ZNF45: variants seen among roughly 807,000 people sequenced by gnomAD.
The protein encoded by ZNF45 is zinc finger protein 45.
A neutral mutation model predicts 12.0 loss-of-function variants in ZNF45; 4 were observed. The observed-to-expected ratio is 0.33, with a 90% CI of 0.16 to 0.76. ZNF45 has a LOEUF of 0.76. Among genes scored for constraint, ZNF45 ranks in the 30% least tolerant of loss-of-function variants. The probability of loss-of-function intolerance (pLI) is 0.60; values close to 1 mark genes in which losing one functional copy is unlikely to be tolerated. For missense variants in ZNF45, 700 were observed against 813.0 expected, an observed-to-expected ratio of 0.86 and a Z score of 1.69; for synonymous variants, 272 against 279.6, an observed-to-expected ratio of 0.97 and a Z score of 0.27.
Position 43,922,437 on chromosome 19 carries a change from C to T in ZNF45, c.-32-220G>A, listed in dbSNP as rs10402444. The stretch of plus-strand genomic sequence containing the variant: ...AGACCCTGGCAGCAAGTGACCTGCC[C>T]GACCACACAGAGTATGCCCCCAACA... On this transcript the variant is annotated intron_variant, in intron 6 of 9. Transcript: ENST00000269973. 732 of 478,998 alleles carry T rather than the reference C, an allele frequency of 1.5e-3. 7 individuals are homozygous for T. Among genetic ancestry groups the T allele is most frequent in the African/African-American group, 0.012 (626 of 52,174 alleles). 29.7% of individuals were successfully genotyped at this position (478,998 alleles called of 1,614,324 possible).
chr19:43,930,631 T>A (rs1974059830), intron 3 of ZNF45, among the ~76,000 whole-genome samples: 1 of 152,140 alleles, frequency 6.6e-6, no homozygotes, highest in Non-Finnish European at 1.5e-5. Context: ...AAGATGCCCC[T>A]AGAGCTCTCT....
intron 3 of ZNF45, among the ~76,000 whole-genome samples, chr19:43,925,840 C>G (rs2147083374): frequency 6.6e-6 from 1 of 152,262 alleles, no homozygotes; most frequent in South Asian, 2.1e-4. Flanking sequence ...ACTATTTTGG[C>G]CAGGCTGGTC....
chr19:43,922,289 A>G, intron 6 of ZNF45, 72 bp from the exon 7 acceptor site: 1 of 1,107,414 alleles, frequency 9.0e-7, no homozygotes, highest in Non-Finnish European at 1.3e-6. Flanking sequence ...AAAAAACCAT[A>G]GCTGTTTTTT....
rs1252242311 is a variant in ZNF45, at chr19:43,914,776, G to A, written c.660C>T (p.Tyr220=). 3 of 1,614,066 alleles carry A rather than the reference G, an allele frequency of 1.9e-6. No homozygotes were observed. The highest frequency in any genetic ancestry group is 1.3e-5 in the African/African-American group (1 of 75,032). ...HQRVHSRAKS[Y]TNDASYRSFS... ...AACTCCTGTAACTTGCATCATTTGT[G>A]TATGATTTTGCTCTACTGTGGACTC... Residue 220 remains tyrosine, a synonymous_variant, in exon 10 of 10, where the codon TAC becomes TAT. Transcript: ENST00000269973.
At chr19:43,920,540 G>GT (rs947495917) in intron 7 of ZNF45, among the ~76,000 whole-genome samples, 3 of 137,044 alleles carry the variant, frequency 2.2e-5, no homozygotes, top group Non-Finnish European at 3.2e-5. Flanking sequence ...CCGGGTGGGG[G>GT]GGGGGGGCAG....
Position 43,913,179 on chromosome 19 carries a change from A to T in ZNF45, c.*208T>A. On this transcript the variant is annotated 3_prime_UTR_variant, in exon 10 of 10. Transcript: ENST00000269973. Reference sequence around the variant, plus strand: ...TTCTGATTTACTCCAGATCAGACTCATCCTTCCTGATCCTCTTGTCTGCAT... The same window carrying T: ...TTCTGATTTACTCCAGATCAGACTCTTCCTTCCTGATCCTCTTGTCTGCAT... 2.1e-6 allele frequency: 1 copy of T among 484,430 alleles called. No homozygotes were observed. The highest frequency in any genetic ancestry group is 3.6e-6 in the Non-Finnish European group (1 of 280,086). The allele number at this position is 484,430 out of a possible 1,614,324, so 30.0% of individuals were successfully genotyped here.
In ZNF45 at chr19:43,913,752, C is replaced by T; in HGVS notation, c.1684G>A (p.Gly562Arg). 3.1e-6 allele frequency: 5 copies of T among 1,614,130 alleles called. No homozygotes were observed. Among genetic ancestry groups the T allele is most frequent in the Non-Finnish European group, 4.2e-6 (5 of 1,180,022 alleles). ...TTGGAGGCCCGACAGAAGCCCTTCC[C>T]ACACTCCTCACATTGATAGGGTTTC... ...GEKPYQCEEC[G>R]KGFCRASNFL... Residue 562 changes from glycine to arginine, a missense_variant, in exon 10 of 10, where the codon GGG becomes AGG. Transcript: ENST00000269973.
At chr19:43,915,420 T>C (rs1972561859) in intron 9 of ZNF45, among the ~76,000 whole-genome samples, 1 of 152,236 alleles carries the variant, frequency 6.6e-6, no homozygotes, top group African/African-American at 2.4e-5. Context: ...GATTATTTCA[T>C]TGGAAGTTTA....
At position 43,914,153 on chromosome 19, in the gene ZNF45, C is replaced by T. The variant is rs143165188; in HGVS notation, c.1283G>A (p.Ser428Asn). 1.9e-6 allele frequency: 3 copies of T among 1,613,738 alleles called. No individual in the cohort carries two copies. The highest frequency in any genetic ancestry group is 2.5e-6 in the Non-Finnish European group (3 of 1,179,916). ...TCTAAAATGAATGTTAAAATCTGAG[C>T]TACGACTGAAGCCCTTACCACATGC... ...CDACGKGFSR[S>N]SDFNIHFRVH... The change falls in exon 10 of 10, where the codon AGC becomes AAC. Residue 428 changes from serine (S) to asparagine (N), a missense_variant. Physicochemically the swap from Ser to Asn is conservative, Grantham distance 46 (BLOSUM62 1). Transcript: ENST00000269973.
Position 43,914,521 on chromosome 19 carries a change from C to T in ZNF45, c.915G>A (p.Lys305=). ...LKVHTGKKPY[K]CEECGKSFSW... ...TGAAGCTCTTCCCACACTCTTCACA[C>T]TTATATGGTTTCTTTCCAGTGTGAA... Residue 305 remains lysine, a synonymous_variant, in exon 10 of 10, where the codon AAG becomes AAA. Coordinates refer to ENST00000269973, the MANE Select transcript of ZNF45 (RefSeq NM_003425.4). 4 of 1,612,670 alleles carry T rather than the reference C, an allele frequency of 2.5e-6. No homozygotes were observed. Among genetic ancestry groups the T allele is most frequent in the Middle Eastern group, 3.3e-4 (2 of 6,058 alleles).
chr19:43,913,438 C>A lies in ZNF45; in HGVS notation c.1998G>T (p.Glu666Asp). 6.3e-7 allele frequency: 1 copy of A among 1,586,272 alleles called. No individual in the cohort carries two copies. Among genetic ancestry groups the A allele is most frequent in the Non-Finnish European group, 8.6e-7 (1 of 1,165,290 alleles). ...CTGATGAAGGAAAGTCCTTGTCACCCTCATCATCAGCATGGACTCGCTGAT... is the reference window on the plus strand; with the variant it reads ...CTGATGAAGGAAAGTCCTTGTCACCATCATCATCAGCATGGACTCGCTGAT... ...IIHQRVHADD[E>D]GDKDFPSSED... Residue 666 changes from glutamate (E) to aspartate (D), a missense_variant, in exon 10 of 10, where the codon GAG becomes GAT. Coordinates refer to ENST00000269973, the MANE Select transcript of ZNF45 (RefSeq NM_003425.4).
chr19:43,926,458 G>A (rs1220853376), intron 3 of ZNF45: 2 of 152,158 alleles, frequency 1.3e-5, no homozygotes, highest in Non-Finnish European at 1.5e-5. Flanking sequence ...AAAATACTGA[G>A]AATGAACACT....
At position 43,914,759 on chromosome 19, in the gene ZNF45, T is replaced by C; in HGVS notation, c.677A>G (p.Tyr226Cys). 5 of 1,614,164 alleles carry C rather than the reference T, an allele frequency of 3.1e-6. No individual in the cohort carries two copies. Among genetic ancestry groups the C allele is most frequent in the Non-Finnish European group, 4.2e-6 (5 of 1,180,048 alleles). ...RAKSYTNDAS[Y>C]RSFSQRSHLP... Reference sequence around the variant, plus strand: ...ATGTGACCTCTGACTAAAACTCCTGTAACTTGCATCATTTGTGTATGATTT... The same window carrying C: ...ATGTGACCTCTGACTAAAACTCCTGCAACTTGCATCATTTGTGTATGATTT... Residue 226 changes from tyrosine (Y) to cysteine (C), a missense_variant, in exon 10 of 10, where the codon TAC becomes TGC. Physicochemically the swap from Tyr to Cys is radical, Grantham distance 194. Transcript: ENST00000269973.
chr19:43,922,429 G>A (rs572725129), intron 6 of ZNF45: 139 of 484,128 alleles, frequency 2.9e-4, no homozygotes, highest in African/African-American at 2.5e-3. Context: ...GGCAGCAAGT[G>A]ACCTGCCCGA....
chr19:43,915,249 G>T (rs753092787), intron 9 of ZNF45, 49 bp from the exon 10 acceptor site: 5 of 1,439,330 alleles, frequency 3.5e-6, no homozygotes, highest in African/African-American at 1.4e-5. Flanking sequence ...ATAATGTTTT[G>T]TTCCAAGATG....
intron 7 of ZNF45, 46 bp downstream of exon 7, chr19:43,922,125 C>A: frequency 6.2e-7 from 1 of 1,601,822 alleles, no homozygotes; most frequent in Non-Finnish European, 8.5e-7. Context: ...GTAATCTTTC[C>A]GAAATGAGAT....
intron 2 of ZNF45, among the ~76,000 whole-genome samples, 173 bp downstream of exon 2, chr19:43,934,253 C>G (rs748134381): frequency 6.6e-6 from 1 of 152,152 alleles, no homozygotes; most frequent in Non-Finnish European, 1.5e-5. Context: ...GTGAACAGAA[C>G]CCACAACACA....
In ZNF45 at chr19:43,918,870, C is replaced by A; in HGVS notation, c.235G>T (p.Gly79Ter). The A allele has an allele frequency of 6.2e-7, 1 of 1,612,326 alleles. No homozygotes were observed. The highest frequency in any genetic ancestry group is 8.5e-7 in the Non-Finnish European group (1 of 1,178,358). Residue 79 changes from glycine (G) to a stop codon, truncating the protein, a stop_gained and splice_region_variant, in exon 9 of 10, where the codon GGA becomes TGA. Coordinates refer to ENST00000269973, the MANE Select transcript of ZNF45 (RefSeq NM_003425.4). LOFTEE classifies it low-confidence loss of function (END_TRUNC). ...KMATQRDNSSGAKNLKEMETL... is the reference protein window; with the variant it reads ...KMATQRDNSS Reference sequence around the variant, plus strand: ...TCCAGCAGCCCCAGCCCCTCCTCACCTGAGGAGTTATCTCTCTGGGTTGCC... The same window carrying A: ...TCCAGCAGCCCCAGCCCCTCCTCACATGAGGAGTTATCTCTCTGGGTTGCC...
rs1161611448 is a variant in ZNF45, at chr19:43,914,770, A to T, written c.666T>A (p.Asn222Lys). 6.2e-7 allele frequency: 1 copy of T among 1,613,974 alleles called. No homozygotes were observed. The highest frequency in any genetic ancestry group is 1.3e-5 in the African/African-American group (1 of 74,918). Reference protein sequence around the residue: ...RVHSRAKSYTNDASYRSFSQR... With the variant: ...RVHSRAKSYTKDASYRSFSQR... ...GACTAAAACTCCTGTAACTTGCATC[A>T]TTTGTGTATGATTTTGCTCTACTGT... is the stretch of plus-strand genomic sequence containing the variant. The change falls in exon 10 of 10, where the codon AAT becomes AAA. Residue 222 changes from asparagine (N) to lysine (K), a missense_variant. Coordinates refer to ENST00000269973, the MANE Select transcript of ZNF45 (RefSeq NM_003425.4).
Sources: allele counts gnomAD v4.1 joint callset (sites outside exome capture counted in the v4.1 genomes callset), GRCh38; gene constraint gnomAD v4.1.1; transcripts MANE v1.5; gene names NCBI Gene and HGNC (gene_info 2026-07-23, HGNC 2026-07-21).